The following PBLD variants were observed in gnomAD, a reference collection of about 807,000 sequenced individuals.
The protein encoded by PBLD is phenazine biosynthesis like protein domain containing, also known as phenazine biosynthesis-like domain-containing protein.
In PBLD, 26 loss-of-function variants were observed where a neutral mutation model predicts 31.3. That is an observed-to-expected ratio of 0.83 (90% CI 0.61 to 1.15). The LOEUF is 1.15. PBLD is among the 50% of genes most tolerant of loss of function. The pLI is 0.00. For missense variants in PBLD, 307 were observed against 351.7 expected (o/e 0.87, Z 1.02); for synonymous variants, 114 against 129.0 (o/e 0.88, Z 0.79).
intron 1 of PBLD, among the ~76,000 whole-genome samples, chr10:68,324,196 G>C (rs568975942): frequency 6.6e-6 from 1 of 151,588 alleles, no homozygotes; most frequent in South Asian, 2.1e-4. Context: ...ACAGGTGTGC[G>C]CCACCATGCC....
At chr10:68,322,754 T>C (rs2044855657) in intron 1 of PBLD, among the ~76,000 whole-genome samples, 1 of 152,032 alleles carries the variant, frequency 6.6e-6, no homozygotes, top group African/African-American at 2.4e-5. Flanking sequence ...ATTTGTTTTG[T>C]TTTGTTTTTT....
At chr10:68,293,233 G>C (rs118158710) in intron 4 of PBLD, among the ~76,000 whole-genome samples, 1,848 of 152,272 alleles carry the variant, frequency 0.012, 16 homozygotes, top group Middle Eastern at 0.048. Context: ...TCTAGTCTAA[G>C]ATACGCCAAG....
intron 2 of PBLD, among the ~76,000 whole-genome samples, chr10:68,298,259 CAAAAA>C (rs1240750765): frequency 1.3e-5 from 2 of 151,396 alleles, no homozygotes; most frequent in African/African-American, 4.9e-5. Context: ...GTCTCAAAAA[CAAAAA>C]AGAAAAGAAA....
chr10:68,297,221 A>C, intron 2 of PBLD: 1 of 515,182 alleles, frequency 1.9e-6, no homozygotes. Context: ...GACTGTGAAA[A>C]ACTGGCTGGC....
intron 1 of PBLD, among the ~76,000 whole-genome samples, chr10:68,327,371 C>T (rs936147539): frequency 6.6e-6 from 1 of 151,944 alleles, no homozygotes; most frequent in Non-Finnish European, 1.5e-5. Context: ...TTTTTATCTA[C>T]CACCAAGAAG....
rs1331956229 is a variant in PBLD, at chr10:68,284,039, G to A, written c.*138C>T. The A allele has an allele frequency of 2.7e-6, 2 of 730,204 alleles. No homozygotes were observed. Among genetic ancestry groups the A allele is most frequent in the South Asian group, 1.8e-5 (1 of 54,268 alleles). 45.2% of individuals were successfully genotyped at this position (730,204 alleles called of 1,614,324 possible). ...TACGATTACAGGCATGAGCCACTGC[G>A]CCTGGCCCATTTTTCGATTTTTAAC... On this transcript the variant is annotated 3_prime_UTR_variant, in exon 10 of 10. Coordinates refer to ENST00000358769, the MANE Select transcript of PBLD (RefSeq NM_022129.4).
intron 1 of PBLD, among the ~76,000 whole-genome samples, chr10:68,320,692 T>G (rs1386503615): frequency 6.6e-6 from 1 of 152,100 alleles, no homozygotes; most frequent in Non-Finnish European, 1.5e-5. Context: ...ATTTTAATTT[T>G]TTTTTAATGG....
chr10:68,316,190 T>C (rs988204315), intron 1 of PBLD, among the ~76,000 whole-genome samples: 3 of 152,120 alleles, frequency 2.0e-5, no homozygotes, highest in Non-Finnish European at 4.4e-5. Context: ...AAATCAGCTG[T>C]AGTTAAATAT....
At chr10:68,285,019 A>G (rs2044269208) in intron 9 of PBLD, 1 of 1,169,284 alleles carries the variant, frequency 8.6e-7, no homozygotes. Flanking sequence ...TAGCAATAGC[A>G]GTAAGGAACC....
chr10:68,285,295 C>G (rs367706026), intron 9 of PBLD, 53 bp downstream of exon 9: 2 of 1,613,826 alleles, frequency 1.2e-6, no homozygotes, highest in Non-Finnish European at 1.7e-6. Flanking sequence ...TGAGAAGGAA[C>G]ACTAGCTTCG....
At chr10:68,311,855 C>G (rs983138633) in intron 1 of PBLD, among the ~76,000 whole-genome samples, 1 of 151,904 alleles carries the variant, frequency 6.6e-6, no homozygotes, top group Non-Finnish European at 1.5e-5. Context: ...ATGGCAAATA[C>G]TGGCTGTTTA....
At chr10:68,319,832 T>A (rs926423971) in intron 1 of PBLD, among the ~76,000 whole-genome samples, 2 of 150,586 alleles carry the variant, frequency 1.3e-5, no homozygotes, top group African/African-American at 4.8e-5. Flanking sequence ...ATTTATTTAT[T>A]TTTTTTTTGA....
At chr10:68,300,023 T>C (rs1417220656) in intron 2 of PBLD, among the ~76,000 whole-genome samples, 1 of 152,064 alleles carries the variant, frequency 6.6e-6, no homozygotes, top group Non-Finnish European at 1.5e-5. Flanking sequence ...CCTGAGTACC[T>C]GGGACTACAG....
intron 4 of PBLD, among the ~76,000 whole-genome samples, chr10:68,294,624 T>C (rs2044400753): frequency 6.6e-6 from 1 of 152,264 alleles, no homozygotes; most frequent in African/African-American, 2.4e-5. Context: ...ACTATACTAC[T>C]TGAAAAAATG....
At chr10:68,296,210 T>C (rs1213008547) in intron 4 of PBLD, 56 bp downstream of exon 4, 1 of 1,113,556 alleles carries the variant, frequency 9.0e-7, no homozygotes, top group African/African-American at 1.7e-5. Context: ...TGTGAGAACT[T>C]AAAAAAAAAA....
intron 2 of PBLD, among the ~76,000 whole-genome samples, chr10:68,299,491 T>C (rs2044476209): frequency 6.6e-6 from 1 of 152,154 alleles, no homozygotes; most frequent in African/African-American, 2.4e-5. Flanking sequence ...TTCCATATAA[T>C]TATATAGGGC....
chr10:68,300,321 T>G (rs10047355), intron 2 of PBLD, among the ~76,000 whole-genome samples: 2 of 152,036 alleles, frequency 1.3e-5, no homozygotes, highest in African/African-American at 4.8e-5. Context: ...ATGCTTTAAC[T>G]AGCCACACTA....
At chr10:68,289,467 A>T (rs1052439547) in intron 6 of PBLD, among the ~76,000 whole-genome samples, 3 of 151,934 alleles carry the variant, frequency 2.0e-5, no homozygotes, top group African/African-American at 7.2e-5. Context: ...ACCAAGAATC[A>T]CTTGTGAGCC....
chr10:68,309,406 C>CAAAAA (rs58152894), intron 1 of PBLD, among the ~76,000 whole-genome samples: 1 of 114,700 alleles, frequency 8.7e-6, no homozygotes. Context: ...GATTATGTTT[C>CAAAAA]AAAAAAAAAA....
Sources: gnomAD v4.1 joint callset for allele counts (sites outside exome capture counted in the v4.1 genomes callset) on GRCh38, gnomAD v4.1.1 for gene constraint, MANE v1.5 for transcripts, NCBI Gene and HGNC (gene_info 2026-07-23, HGNC 2026-07-21) for gene names.